EVC2: variants seen among roughly 807,000 people sequenced by gnomAD.
EVC2 encodes limbin.
A neutral mutation model predicts 149.3 loss-of-function variants in EVC2; 148 were observed. The ratio of observed to expected loss-of-function variants is 0.99; its 90% CI spans 0.87 to 1.14. The LOEUF is 1.14. Ranked by LOEUF, EVC2 falls within the 50% of genes most tolerant of loss-of-function variation. The pLI, the probability that EVC2 is intolerant of heterozygous loss-of-function variation, is 0.00. For synonymous variants in EVC2, 776 were observed against 649.9 expected (o/e 1.19, Z -2.95); for missense variants, 1,854 against 1,627.3 (o/e 1.14, Z -2.40).
chr4:5,592,466 G>A (rs1160848472), intron 16 of EVC2, among the ~76,000 whole-genome samples: 2 of 152,216 alleles, frequency 1.3e-5, no homozygotes, highest in Non-Finnish European at 2.9e-5. Flanking sequence ...GGGCAGGAGA[G>A]AGCCCCGCCA....
chr4:5,556,179 CAAAAAAAAAAAA>C (rs61024761), intron 21 of EVC2, among the ~76,000 whole-genome samples: 55 of 65,042 alleles, frequency 8.5e-4, no homozygotes, highest in African/African-American at 3.4e-3. Context: ...GACTCCGTCT[CAAAAAAAAAAAA>C]AAAAAAAAAA....
chr4:5,570,840 T>C (rs1722600749), intron 19 of EVC2, among the ~76,000 whole-genome samples: 1 of 152,206 alleles, frequency 6.6e-6, no homozygotes, highest in Non-Finnish European at 1.5e-5. Flanking sequence ...TAATGGCCTT[T>C]GCAGCAACTT....
At position 5,656,204 on chromosome 4, in the gene EVC2, C is replaced by A. The variant is rs568438145; in HGVS notation, c.1145+6903G>T. On this transcript the variant is annotated intron_variant, in intron 9 of 21. Coordinates refer to ENST00000344408, the MANE Select transcript of EVC2 (RefSeq NM_147127.5). Reference sequence around the variant, plus strand: ...ACCTGGGTTTGAGCCCTGGACCAACCATTGCTGATGGAGAGGTAACCGTTC... The same window carrying A: ...ACCTGGGTTTGAGCCCTGGACCAACAATTGCTGATGGAGAGGTAACCGTTC... Among the ~76,000 whole-genome samples, 23 of 152,308 alleles carry A rather than the reference C, an allele frequency of 1.5e-4. 2 individuals carry two copies. Among genetic ancestry groups the A allele is most frequent in the African/African-American group, 4.8e-4 (20 of 41,574 alleles).
rs75286260 is a variant in EVC2 at position 5,677,717 on chromosome 4, G to A, written c.870+3543C>T. 6.5e-3 allele frequency among the ~76,000 whole-genome samples: 992 copies of A among 152,254 alleles called. 24 individuals carry two copies. The highest frequency in any genetic ancestry group is 0.048 in the East Asian group (250 of 5,170). On this transcript the variant is annotated intron_variant, in intron 7 of 21. Transcript: ENST00000344408. The surrounding 1 kb of genome is among the most constrained non-coding windows in gnomAD (Gnocchi z 4.3). Reference sequence around the variant, plus strand: ...CTGAGCAGCAATCATCGTCATTGACGACAATAAGCTCAATCACGGGATATT... The same window carrying A: ...CTGAGCAGCAATCATCGTCATTGACAACAATAAGCTCAATCACGGGATATT...
intron 9 of EVC2, among the ~76,000 whole-genome samples, chr4:5,642,541 A>G (rs1717415086): frequency 1.3e-5 from 2 of 152,228 alleles, no homozygotes; most frequent in Admixed American, 6.5e-5. Context: ...TACAAAATCT[A>G]AAACAATCCT....
intron 16 of EVC2, among the ~76,000 whole-genome samples, chr4:5,593,787 A>G (rs546910945): frequency 6.6e-6 from 1 of 152,288 alleles, no homozygotes; most frequent in East Asian, 1.9e-4. Flanking sequence ...CTCGGGAAGC[A>G]CAAGGGGTCA....
In EVC2 at chr4:5,677,551, C is replaced by T. The variant is rs936191832; in HGVS notation, c.870+3709G>A. Among the ~76,000 whole-genome samples the T allele has an allele frequency of 3.3e-5, 5 of 152,180 alleles. No individual in the cohort carries two copies. Among genetic ancestry groups the T allele is most frequent in the African/African-American group, 1.2e-4 (5 of 41,450 alleles). Reference sequence around the variant, plus strand: ...TCTCCTGAAGGCAACATGCAGGTGACGGGAAGCCTGGAAGACCTCGGCATG... The same window carrying T: ...TCTCCTGAAGGCAACATGCAGGTGATGGGAAGCCTGGAAGACCTCGGCATG... On this transcript the variant is annotated intron_variant, in intron 7 of 21. Coordinates refer to ENST00000344408, the MANE Select transcript of EVC2 (RefSeq NM_147127.5). This position sits in a 1 kb window ranked among gnomAD's most constrained non-coding sequence, Gnocchi z 4.3.
chr4:5,694,298 C>G lies in EVC2; in HGVS notation c.450+37G>C, dbSNP rs549166872. 7 of 1,610,132 alleles carry G rather than the reference C, an allele frequency of 4.3e-6. No homozygotes were observed. In the African/African-American group the frequency reaches 5.3e-5, roughly 12 times the overall value. The stretch of plus-strand genomic sequence containing the variant: ...GCCATAATTGGTTTATTTCCAACTT[C>G]TGGTATTTGTGTTAAAGCATTGAAC... On this transcript the variant is annotated intron_variant, in intron 3 of 21. Coordinates refer to ENST00000344408, the MANE Select transcript of EVC2 (RefSeq NM_147127.5).
chr4:5,692,594 G>A (rs1020580724), intron 3 of EVC2, among the ~76,000 whole-genome samples: 6 of 152,028 alleles, frequency 3.9e-5, no homozygotes, highest in South Asian at 2.1e-4. Flanking sequence ...AATGCCGGGC[G>A]CGGTGGCTCA....
rs558467403 is a variant in EVC2, at chr4:5,631,460, T to C, written c.1710+333A>G. 2.5e-3 allele frequency among the ~76,000 whole-genome samples: 381 copies of C among 152,228 alleles called. 4 individuals are homozygous for C. The highest frequency in any genetic ancestry group is 8.4e-3 in the African/African-American group (349 of 41,554). ...CTTTCCACGAGTCAGCTCATCAAATTTCCATCACACCCTCGTGGGTGTGGG... is the reference window on the plus strand; with the variant it reads ...CTTTCCACGAGTCAGCTCATCAAATCTCCATCACACCCTCGTGGGTGTGGG... On this transcript the variant is annotated intron_variant, in intron 11 of 21. Coordinates refer to ENST00000344408, the MANE Select transcript of EVC2 (RefSeq NM_147127.5).
intron 15 of EVC2, among the ~76,000 whole-genome samples, chr4:5,615,977 T>C (rs1232093178): frequency 6.6e-6 from 1 of 152,136 alleles, no homozygotes; most frequent in East Asian, 1.9e-4. Flanking sequence ...ATAAGGACAC[T>C]AGGAGCAGAG....
chr4:5,594,388 G>A (rs1311500515), intron 16 of EVC2, among the ~76,000 whole-genome samples: 5 of 152,134 alleles, frequency 3.3e-5, no homozygotes, highest in Admixed American at 2.0e-4. Flanking sequence ...CCAGAGGAAC[G>A]ATCAGACAGC....
At chr4:5,674,698 A>C (rs1012330245) in intron 7 of EVC2, among the ~76,000 whole-genome samples, 1 of 152,168 alleles carries the variant, frequency 6.6e-6, no homozygotes, top group African/African-American at 2.4e-5. Flanking sequence ...ATGGAAAACA[A>C]AGGCGCCCAG....
rs947647744 is a variant in EVC2 at position 5,686,500 on chromosome 4, G to A, written c.707-1021C>T. Among the ~76,000 whole-genome samples the A allele has an allele frequency of 6.6e-6, 1 of 152,146 alleles. No homozygotes were observed. Among genetic ancestry groups the A allele is most frequent in the Non-Finnish European group, 1.5e-5 (1 of 68,026 alleles). Reference sequence around the variant, plus strand: ...TCATCACTCTCCACGTGCTGCACCTGCATTAACCCAGCTGATCTCCACACA... The same window carrying A: ...TCATCACTCTCCACGTGCTGCACCTACATTAACCCAGCTGATCTCCACACA... On this transcript the variant is annotated intron_variant, in intron 5 of 21. Coordinates refer to ENST00000344408, the MANE Select transcript of EVC2 (RefSeq NM_147127.5). This position sits in a 1 kb window ranked among gnomAD's most constrained non-coding sequence, Gnocchi z 5.4.
At chr4:5,555,707 C>T (rs994887515) in intron 21 of EVC2, among the ~76,000 whole-genome samples, 2 of 152,166 alleles carry the variant, frequency 1.3e-5, no homozygotes, top group African/African-American at 4.8e-5. Flanking sequence ...GAAACTCCAA[C>T]AGCCCTCCTT....
intron 16 of EVC2, 77 bp from the exon 17 acceptor site, chr4:5,584,927 A>C: frequency 6.7e-7 from 1 of 1,483,438 alleles, no homozygotes; most frequent in Non-Finnish European, 9.4e-7. Context: ...ACAGCCTTTC[A>C]GAGTTCACAG....
intron 6 of EVC2, among the ~76,000 whole-genome samples, chr4:5,684,659 A>G (rs552957190): frequency 1.3e-5 from 2 of 152,308 alleles, no homozygotes; most frequent in East Asian, 3.9e-4. Context: ...GCAGTGAGAG[A>G]TGGGGAGACT....
At chr4:5,563,705 T>C (rs1451848619) in intron 21 of EVC2, among the ~76,000 whole-genome samples, 1 of 151,790 alleles carries the variant, frequency 6.6e-6, no homozygotes, top group Non-Finnish European at 1.5e-5. Context: ...TCAGCCATGG[T>C]GGGAATATTT....
At chr4:5,687,325 G>A (rs1460339012) in intron 5 of EVC2, among the ~76,000 whole-genome samples, 2 of 152,150 alleles carry the variant, frequency 1.3e-5, no homozygotes, top group South Asian at 2.1e-4. Context: ...AGGAGCCCGG[G>A]AGCACTTTCC....
Sources: allele counts gnomAD v4.1 joint callset (sites outside exome capture counted in the v4.1 genomes callset), GRCh38; gene constraint gnomAD v4.1.1; non-coding constraint Gnocchi (gnomAD v3.1); transcripts MANE v1.5; gene names NCBI Gene and HGNC (gene_info 2026-07-23, HGNC 2026-07-21).